Variants in GALNTL6 observed in about 807,000 individuals in gnomAD.
The protein encoded by GALNTL6 is polypeptide N-acetylgalactosaminyltransferase like 6.
In GALNTL6, 46 loss-of-function variants were observed where a neutral mutation model predicts 73.7. The observed-to-expected ratio is 0.62, with a 90% confidence interval of 0.49 to 0.80. The LOEUF is 0.80. GALNTL6 is among the 30% of genes least tolerant of loss of function. The probability of loss-of-function intolerance (pLI) is 0.00; values close to 1 mark genes in which losing one functional copy is unlikely to be tolerated. For synonymous variants in GALNTL6, 259 were observed against 263.7 expected (o/e 0.98, Z 0.17); for missense variants, 604 against 755.0 (o/e 0.80, Z 2.34).
chr4:171,962,765 C>CTTTT (rs139917729), intron 2 of GALNTL6, among the ~76,000 whole-genome samples: 98,954 of 114,064 alleles, frequency 0.87, 44,014 homozygotes, highest in South Asian at 0.96. Context: ...CTTGCTTTTA[C>CTTTT]TTTTTTTTTT....
chr4:172,437,607 G>A (rs944591413), intron 5 of GALNTL6, among the ~76,000 whole-genome samples: 3 of 152,084 alleles, frequency 2.0e-5, no homozygotes, highest in Admixed American at 2.0e-4. Flanking sequence ...CAGATTTTGT[G>A]CTGTTAAGAA....
chr4:172,692,647 G>A (rs372907688), intron 5 of GALNTL6, among the ~76,000 whole-genome samples: 6 of 151,856 alleles, frequency 4.0e-5, no homozygotes, highest in Non-Finnish European at 7.4e-5. Context: ...ACCTTTGTTT[G>A]CACTCTTATT....
intron 2 of GALNTL6, among the ~76,000 whole-genome samples, chr4:172,055,278 C>A (rs1372270747): frequency 6.6e-6 from 1 of 152,122 alleles, no homozygotes; most frequent in African/African-American, 2.4e-5. Flanking sequence ...AGGAAAGAAT[C>A]AGGCTATTTT....
At chr4:172,728,212 T>C (rs1009277858) in intron 5 of GALNTL6, among the ~76,000 whole-genome samples, 1 of 152,202 alleles carries the variant, frequency 6.6e-6, no homozygotes, top group African/African-American at 2.4e-5. Flanking sequence ...TTACTATTTT[T>C]ATGTGTACAA....
rs555785541 is a variant in GALNTL6, at chr4:172,165,757, G to C, written c.139-63899G>C. The stretch of plus-strand genomic sequence containing the variant: ...CATCTTCTAGTGATACTCATTTTTT[G>C]AATCTCTTATGAAAATAAATCATTG... On this transcript the variant is annotated intron_variant, in intron 2 of 12. Coordinates refer to ENST00000506823, the MANE Select transcript of GALNTL6 (RefSeq NM_001034845.3). 2.0e-5 allele frequency among the ~76,000 whole-genome samples: 3 copies of C among 152,196 alleles called. No individual in the cohort carries two copies. The South Asian group carries it at 6.2e-4, about 32-fold the overall frequency.
At chr4:171,831,874 T>A (rs1203490333) in intron 2 of GALNTL6, among the ~76,000 whole-genome samples, 1 of 151,704 alleles carries the variant, frequency 6.6e-6, no homozygotes, top group African/African-American at 2.4e-5. Flanking sequence ...ATTTTAATAT[T>A]ATAAGAAAAT....
At chr4:171,978,159 T>C (rs1579025412) in intron 2 of GALNTL6, among the ~76,000 whole-genome samples, 1 of 152,122 alleles carries the variant, frequency 6.6e-6, no homozygotes, top group East Asian at 1.9e-4. Flanking sequence ...CATTAAAATA[T>C]CAAGAAGAAA....
intron 5 of GALNTL6, among the ~76,000 whole-genome samples, chr4:172,675,250 G>A (rs1279485826): frequency 6.6e-6 from 1 of 152,130 alleles, no homozygotes; most frequent in Non-Finnish European, 1.5e-5. Context: ...CAGTTCTCAG[G>A]TCCCAACTCC....
chr4:171,982,420 C>G (rs1449397581), intron 2 of GALNTL6, among the ~76,000 whole-genome samples: 1 of 152,106 alleles, frequency 6.6e-6, no homozygotes, highest in Non-Finnish European at 1.5e-5. Context: ...GCTTCAGCCT[C>G]CCCAGTAGCT....
At chr4:171,877,916 G>A (rs1336652621) in intron 2 of GALNTL6, among the ~76,000 whole-genome samples, 1 of 152,304 alleles carries the variant, frequency 6.6e-6, no homozygotes, top group East Asian at 1.9e-4. Flanking sequence ...CAAGCAAAAT[G>A]AGACTCATCT....
chr4:172,166,213 CT>C (rs891816548), intron 2 of GALNTL6, among the ~76,000 whole-genome samples: 2 of 152,058 alleles, frequency 1.3e-5, no homozygotes, highest in Non-Finnish European at 2.9e-5. Flanking sequence ...AATCCCAGCA[CT>C]TTGGGAGGCT....
chr4:172,356,421 C>G (rs905562328), intron 5 of GALNTL6, among the ~76,000 whole-genome samples: 7 of 152,020 alleles, frequency 4.6e-5, no homozygotes, highest in Admixed American at 4.6e-4. Flanking sequence ...AAATATCCAT[C>G]TGCTCTTAAT....
intron 3 of GALNTL6, among the ~76,000 whole-genome samples, chr4:172,289,331 A>G (rs1227065125): frequency 1.3e-5 from 2 of 152,200 alleles, no homozygotes; most frequent in Non-Finnish European, 2.9e-5. Context: ...TGTCCTAACT[A>G]CAGTCCAAGT....
rs72995061 is a variant in GALNTL6 at position 172,488,443 on chromosome 4, A to G, written c.553+139754A>G. On this transcript the variant is annotated intron_variant, in intron 5 of 12. Transcript: ENST00000506823. ...TTCATTTGCAGAGATCTTTACTCAT[A>G]CATCTGCGGGTAGCTGCTGGCCATT... 1.9e-3 allele frequency among the ~76,000 whole-genome samples: 287 copies of G among 152,270 alleles called. 2 individuals are homozygous for G. The highest frequency in any genetic ancestry group is 3.5e-3 in the Non-Finnish European group (240 of 68,008).
chr4:172,864,961 A>C, intron 7 of GALNTL6, among the ~76,000 whole-genome samples: 1 of 152,214 alleles, frequency 6.6e-6, no homozygotes, highest in East Asian at 1.9e-4. Context: ...TGTCACTGTT[A>C]CAATTATAGT....
intron 3 of GALNTL6, among the ~76,000 whole-genome samples, chr4:172,243,870 A>G (rs1737534316): frequency 6.6e-6 from 1 of 152,128 alleles, no homozygotes; most frequent in Non-Finnish European, 1.5e-5. Flanking sequence ...AATGTGCACC[A>G]TTTGGGTGAG....
chr4:172,579,798 GA>G (rs2110969832), intron 5 of GALNTL6, among the ~76,000 whole-genome samples: 1 of 21,348 alleles, frequency 4.7e-5, no homozygotes, highest in African/African-American at 6.4e-5. Flanking sequence ...AGGAAGGAAG[GA>G]GGGAAGGAAG....
At chr4:172,622,862 A>C (rs1216572990) in intron 5 of GALNTL6, among the ~76,000 whole-genome samples, 1 of 152,168 alleles carries the variant, frequency 6.6e-6, no homozygotes, top group Non-Finnish European at 1.5e-5. Flanking sequence ...TGAATAATTG[A>C]CAAAGCGTTT....
At chr4:171,898,568 G>T (rs1348355559) in intron 2 of GALNTL6, among the ~76,000 whole-genome samples, 1 of 151,990 alleles carries the variant, frequency 6.6e-6, no homozygotes, top group Non-Finnish European at 1.5e-5. Flanking sequence ...AATCACAAAA[G>T]TATCAACCTA....
Sources: gnomAD v4.1 joint callset for allele counts (sites outside exome capture counted in the v4.1 genomes callset) on GRCh38, gnomAD v4.1.1 for gene constraint, MANE v1.5 for transcripts, NCBI Gene and HGNC (gene_info 2026-07-23, HGNC 2026-07-21) for gene names.